The following CCDC159 variants were observed in gnomAD, a reference collection of about 807,000 sequenced individuals.
The protein encoded by CCDC159 is coiled-coil domain containing 159.
In CCDC159, 40 loss-of-function variants were observed where a neutral mutation model predicts 50.9. That is an observed-to-expected ratio of 0.79 (90% CI 0.61 to 1.02). The LOEUF is 1.02. Ranked by LOEUF, CCDC159 falls within the 50% of genes least tolerant of loss-of-function variation. The pLI is 0.00. For synonymous variants in CCDC159, 146 were observed against 138.9 expected (o/e 1.05, Z -0.36); for missense variants, 356 against 371.5 (o/e 0.96, Z 0.34).
At chr19:11,353,599 CT>C (rs1295240937) in intron 8 of CCDC159, 27 bp downstream of exon 8, 3 of 1,608,196 alleles carry the variant, frequency 1.9e-6, no homozygotes, top group Non-Finnish European at 2.6e-6. Flanking sequence ...AGTCTGACCC[CT>C]GACCCTCCTC....
chr19:11,348,291 T>C, intron 1 of CCDC159: 1 of 377,408 alleles, frequency 2.6e-6, no homozygotes, highest in South Asian at 2.0e-5. Context: ...TTTTTTGTTG[T>C]TGTTTTTTAT....
At chr19:11,349,269 G>A in intron 1 of CCDC159, 1 of 983,508 alleles carries the variant, frequency 1.0e-6, no homozygotes, top group Non-Finnish European at 1.4e-6. Context: ...TAGGGAAGGG[G>A]CTGTAAGGCA....
chr19:11,352,167 T>C, intron 7 of CCDC159, 34 bp downstream of exon 7: 1 of 1,600,276 alleles, frequency 6.2e-7, no homozygotes, highest in Non-Finnish European at 8.5e-7. Flanking sequence ...TGGGGAGGAG[T>C]GGGAGAGGGA....
rs1374790154 is a variant in CCDC159, at chr19:11,353,866, G to A, written c.764G>A (p.Ser255Asn). Residue 255 changes from serine (S) to asparagine (N), a missense_variant, in exon 9 of 11, where the codon AGC (serine) becomes AAC (asparagine). By Grantham distance (46) the Ser-to-Asn change is conservative. Coordinates refer to ENST00000458408, the MANE Select transcript of CCDC159 (RefSeq NM_001080503.3). ...TCGGGGGCCTGTCCCAAGGCCTCGA[G>A]CCTAAGAGGTGAGGGAGGCTGAGAA... Reference protein sequence around the residue: ...LCSGACPKASSLRGHKGHQCL... With the variant: ...LCSGACPKASNLRGHKGHQCL... The A allele has an allele frequency of 6.3e-7, 1 of 1,575,264 alleles. No individual in the cohort carries two copies. The highest frequency in any genetic ancestry group is 1.9e-5 in the Admixed American group (1 of 53,010).
At position 11,351,959 on chromosome 19, in the gene CCDC159, T is replaced by C. The variant is rs1414454523; in HGVS notation, c.476T>C (p.Ile159Thr). 1.9e-6 allele frequency: 3 copies of C among 1,607,612 alleles called. No homozygotes were observed. The African/African-American group carries it at 4.0e-5, about 22-fold the overall frequency. ...LELVREEVTF[I>T]YQKLQAQEDE... ...CTGGTGCGGGAGGAGGTGACCTTCATCTATCAGAAGCTCCGTGAGTTCCTG... is the reference window on the plus strand; with the variant it reads ...CTGGTGCGGGAGGAGGTGACCTTCACCTATCAGAAGCTCCGTGAGTTCCTG... The change falls in exon 6 of 11, where the codon ATC (isoleucine) becomes ACC (threonine). Residue 159 changes from isoleucine (I) to threonine (T), a missense_variant. By Grantham distance (89) the Ile-to-Thr change is moderately conservative. Transcript: ENST00000458408.
Position 11,351,007 on chromosome 19 carries a change from G to C in CCDC159, c.422+4G>C. 6.5e-7 allele frequency: 1 copy of C among 1,540,940 alleles called. No individual in the cohort carries two copies. The highest frequency in any genetic ancestry group is 1.2e-5 in the South Asian group (1 of 83,100). On this transcript the variant is annotated splice_donor_region_variant and intron_variant, in intron 5 of 10. Transcript: ENST00000458408. ...TGGCCCAGGAGATCCGGGACAGGTC[G>C]GGGATGGCGGGAGGGCAGCTTGGAG...
At chr19:11,352,168 G>A (rs1250043053) in intron 7 of CCDC159, 35 bp downstream of exon 7, 1 of 1,601,038 alleles carries the variant, frequency 6.2e-7, no homozygotes, top group Non-Finnish European at 8.5e-7. Context: ...GGGGAGGAGT[G>A]GGAGAGGGAG....
Position 11,354,884 on chromosome 19 carries a change from G to A in CCDC159, c.*7G>A, listed in dbSNP as rs766426987. 1.6e-5 allele frequency: 26 copies of A among 1,613,272 alleles called. No homozygotes were observed. The highest frequency in any genetic ancestry group is 9.4e-5 in the African/African-American group (7 of 74,838). On this transcript the variant is annotated 3_prime_UTR_variant, in exon 11 of 11. Transcript: ENST00000458408. ...CTCTCTCTCCACAGCTTGAGCAGCC[G>A]GGACTGCTCTCCCTGAAGACCCCTC...
intron 1 of CCDC159, chr19:11,348,123 A>G (rs956875346): frequency 4.4e-6 from 2 of 456,386 alleles, no homozygotes; most frequent in Non-Finnish European, 8.8e-6. Flanking sequence ...CACACCTCCA[A>G]GCTTTTGCAC....
chr19:11,350,005 C>T lies in CCDC159; in HGVS notation c.123C>T (p.Ser41=), dbSNP rs774274832. The change falls in exon 3 of 11, where the codon AGC becomes AGT. Residue 41 remains serine, a synonymous_variant. Coordinates refer to ENST00000458408, the MANE Select transcript of CCDC159 (RefSeq NM_001080503.3). ...LLRCELESLK[S]QLQAQTKAFE... The stretch of plus-strand genomic sequence containing the variant: ...GATGTGAACTTGAGTCACTCAAGAG[C>T]CAGTTACAGGCCCAGACCAAGGTGA... The T allele has an allele frequency of 6.2e-7, 1 of 1,613,678 alleles. No homozygotes were observed. The highest frequency in any genetic ancestry group is 8.5e-7 in the Non-Finnish European group (1 of 1,179,838).
chr19:11,350,694 C>A, intron 4 of CCDC159, 114 bp from the exon 5 acceptor site: 1 of 1,044,674 alleles, frequency 9.6e-7, no homozygotes, highest in Non-Finnish European at 1.4e-6. Flanking sequence ...TTGGGATCAG[C>A]TGGGCCAGGC....
intron 2 of CCDC159, 66 bp downstream of exon 2, chr19:11,349,753 G>A: frequency 7.4e-7 from 1 of 1,358,232 alleles, no homozygotes; most frequent in Non-Finnish European, 1.0e-6. Context: ...TCTACCCTCT[G>A]CCCCAGCATC....
intron 9 of CCDC159, 55 bp from the exon 10 acceptor site, chr19:11,354,519 ACAGGGC>A: frequency 6.9e-7 from 1 of 1,452,896 alleles, no homozygotes; most frequent in African/African-American, 1.4e-5. Flanking sequence ...ATGAAGGGAC[ACAGGGC>A]CTATATTTGG....
chr19:11,354,155 A>G (rs1205078868), intron 9 of CCDC159, among the ~76,000 whole-genome samples: 1 of 152,014 alleles, frequency 6.6e-6, no homozygotes, highest in Non-Finnish European at 1.5e-5. Context: ...AGGTGGGAGG[A>G]TTACTTGAGT....
At chr19:11,354,801 T>C in intron 10 of CCDC159, 72 bp from the exon 11 acceptor site, 3 of 1,610,026 alleles carry the variant, frequency 1.9e-6, no homozygotes, top group East Asian at 2.2e-5. Context: ...GATCTGGGCA[T>C]GCGGTCCCTG....
Position 11,351,955 on chromosome 19 carries a change from T to C in CCDC159, c.472T>C (p.Phe158Leu). 1 of 1,607,398 alleles carries C rather than the reference T, an allele frequency of 6.2e-7. No homozygotes were observed. Among genetic ancestry groups the C allele is most frequent in the Non-Finnish European group, 8.5e-7 (1 of 1,177,138 alleles). The change falls in exon 6 of 11, where the codon TTC becomes CTC. Residue 158 changes from phenylalanine to leucine, a missense_variant. Phe to Leu is a conservative substitution (Grantham distance 22). Coordinates refer to ENST00000458408, the MANE Select transcript of CCDC159 (RefSeq NM_001080503.3). ...GGAACTGGTGCGGGAGGAGGTGACCTTCATCTATCAGAAGCTCCGTGAGTT... is the reference window on the plus strand; with the variant it reads ...GGAACTGGTGCGGGAGGAGGTGACCCTCATCTATCAGAAGCTCCGTGAGTT... The part of the protein sequence containing the change: ...ELELVREEVT[F>L]IYQKLQAQED...
chr19:11,351,101 G>A (rs1321171624), intron 5 of CCDC159, 98 bp downstream of exon 5: 1 of 1,206,934 alleles, frequency 8.3e-7, no homozygotes, highest in Admixed American at 2.7e-5. Context: ...CAGATGCCTG[G>A]GGGAGGGGGA....
At chr19:11,349,399 A>T in intron 1 of CCDC159, 1 of 562,338 alleles carries the variant, frequency 1.8e-6, no homozygotes, top group East Asian at 3.3e-5. Context: ...ATGGAAGGAA[A>T]GAGTGTGGTT....
chr19:11,354,171 A>G (rs1443523445), intron 9 of CCDC159, among the ~76,000 whole-genome samples: 1 of 152,070 alleles, frequency 6.6e-6, no homozygotes, highest in Non-Finnish European at 1.5e-5. Flanking sequence ...TGAGTCTAGG[A>G]GTTTGAGACC....
Sources: allele counts gnomAD v4.1 joint callset (sites outside exome capture counted in the v4.1 genomes callset), GRCh38; gene constraint gnomAD v4.1.1; transcripts MANE v1.5; gene names NCBI Gene and HGNC (gene_info 2026-07-23, HGNC 2026-07-21).